Variants in BICD2 observed in about 807,000 individuals in gnomAD.
BICD2 encodes the protein BICD cargo adaptor 2, also known as protein bicaudal D homolog 2.
BICD2 carries 25 observed loss-of-function variants against 72.9 expected under a neutral mutation model. That is an observed-to-expected ratio of 0.34 (90% CI 0.25 to 0.48). The LOEUF (loss-of-function observed/expected upper bound fraction) is 0.48, where lower values mean the gene tolerates loss of function less well. BICD2 is among the 20% of genes least tolerant of loss of function. The probability of loss-of-function intolerance (pLI) is 0.99; values close to 1 mark genes in which losing one functional copy is unlikely to be tolerated. For synonymous variants in BICD2, 501 were observed against 516.1 expected (o/e 0.97, Z 0.40); for missense variants, 894 against 1,175.2 (o/e 0.76, Z 3.50).
chr9:92,729,057 C>G lies in BICD2; in HGVS notation c.420G>C (p.Glu140Asp). 1 of 1,614,222 alleles carries G rather than the reference C, an allele frequency of 6.2e-7. No homozygotes were observed. Among genetic ancestry groups the G allele is most frequent in the South Asian group, 1.1e-5 (1 of 91,082 alleles). ...GCTCCTGGGCCACAGAGGCCAGGCGCTCATTCTCCGACTGCGTGTTGGTGA... is the reference window on the plus strand; with the variant it reads ...GCTCCTGGGCCACAGAGGCCAGGCGGTCATTCTCCGACTGCGTGTTGGTGA... ...NVLTNTQSEN[E>D]RLASVAQELK... is the part of the protein sequence containing the mutation. Residue 140 changes from glutamate to aspartate, a missense_variant, in exon 2 of 7, where the codon GAG (glutamate) becomes GAC (aspartate). Glu to Asp is a conservative substitution (Grantham distance 45). Transcript: ENST00000356884.
At position 92,727,031 on chromosome 9, in the gene BICD2, C is replaced by T. The variant is rs981763378; in HGVS notation, c.453+1993G>A. Among the ~76,000 whole-genome samples the T allele has an allele frequency of 2.0e-5, 3 of 152,144 alleles. No homozygotes were observed. In the South Asian group the frequency reaches 6.2e-4, roughly 32 times the overall value. Reference sequence around the variant, plus strand: ...ATGGCAGCTGGGGCAGCCAAGGATACATCTCTCCATACACACAGCCCCTCC... The same window carrying T: ...ATGGCAGCTGGGGCAGCCAAGGATATATCTCTCCATACACACAGCCCCTCC... On this transcript the variant is annotated intron_variant, in intron 2 of 6. Transcript: ENST00000356884.
In BICD2 at chr9:92,720,651, C is replaced by T; in HGVS notation, c.711G>A (p.Glu237=). 2 of 1,614,172 alleles carry T rather than the reference C, an allele frequency of 1.2e-6. No homozygotes were observed. Among genetic ancestry groups the T allele is most frequent in the Non-Finnish European group, 1.7e-6 (2 of 1,180,034 alleles). Residue 237 remains glutamate, a synonymous_variant, in exon 4 of 7, where the codon GAG becomes GAA. Coordinates refer to ENST00000356884, the MANE Select transcript of BICD2 (RefSeq NM_001003800.2). This position sits in a 1 kb window ranked among gnomAD's most constrained non-coding sequence, Gnocchi z 5.4. ...EDAIRLKEIS[E]RQLEEALETL... is the part of the protein sequence containing the mutation. ...TCTCCAGCGCCTCCTCCAGCTGCCG[C>T]TCTGAGATCTCCTTGAGGCGGATGG...
At chr9:92,732,324 G>A (rs952472525) in intron 1 of BICD2, among the ~76,000 whole-genome samples, 1 of 152,168 alleles carries the variant, frequency 6.6e-6, no homozygotes, top group Non-Finnish European at 1.5e-5. Flanking sequence ...GAAGTATGAA[G>A]TATGACACAA....
chr9:92,742,593 C>A (rs939161378), intron 1 of BICD2, among the ~76,000 whole-genome samples: 6 of 152,050 alleles, frequency 3.9e-5, no homozygotes, highest in African/African-American at 1.4e-4. Flanking sequence ...ACCATGTTGG[C>A]CAGGATGGTC....
rs1380524145 is a variant in BICD2 at position 92,720,285 on chromosome 9, C to T, written c.1062+15G>A. 1 of 1,597,704 alleles carries T rather than the reference C, an allele frequency of 6.3e-7. No homozygotes were observed. Among genetic ancestry groups the T allele is most frequent in the South Asian group, 1.1e-5 (1 of 88,460 alleles). The stretch of plus-strand genomic sequence containing the variant: ...GAGTGGGGACAGCGTGCCGAAGGCC[C>T]CACTGCCTGCTCACCTGCATCAGCT... On this transcript the variant is annotated intron_variant, in intron 4 of 6. Transcript: ENST00000356884. The surrounding 1 kb of genome is among the most constrained non-coding windows in gnomAD (Gnocchi z 5.4).
chr9:92,735,018 G>C (rs1483126125), intron 1 of BICD2, among the ~76,000 whole-genome samples: 1 of 152,230 alleles, frequency 6.6e-6, no homozygotes, highest in South Asian at 2.1e-4. Context: ...TAACCCCCAA[G>C]GGGCTGCCCT....
chr9:92,716,614 T>C (rs1237713979), intron 6 of BICD2, among the ~76,000 whole-genome samples: 1 of 152,220 alleles, frequency 6.6e-6, no homozygotes, highest in Non-Finnish European at 1.5e-5. Context: ...GCTGGGCCCA[T>C]GGTGGGCCTG....
intron 1 of BICD2, among the ~76,000 whole-genome samples, chr9:92,754,852 G>C (rs969557974): frequency 4.6e-5 from 7 of 152,046 alleles, no homozygotes; most frequent in Non-Finnish European, 8.8e-5. Flanking sequence ...GTCACCTCAG[G>C]ACCCTGTAAT....
In BICD2 at chr9:92,764,755, G is replaced by A. The variant is rs112429258; in HGVS notation, c.-11C>T. On this transcript the variant is annotated 5_prime_UTR_variant, in exon 1 of 7. Transcript: ENST00000356884. The surrounding 1 kb of genome is among the most constrained non-coding windows in gnomAD (Gnocchi z 5.5). The stretch of plus-strand genomic sequence containing the variant: ...CGACGGCGCCGACATGGTGGCCGAG[G>A]GCTGAGCCGGCTCCCACTGAGGCTC... 6.5e-7 allele frequency: 1 copy of A among 1,540,670 alleles called. No individual in the cohort carries two copies. The highest frequency in any genetic ancestry group is 8.7e-7 in the Non-Finnish European group (1 of 1,152,886).
intron 1 of BICD2, among the ~76,000 whole-genome samples, chr9:92,761,697 G>A (rs1023796939): frequency 1.1e-4 from 16 of 152,190 alleles, no homozygotes; most frequent in Admixed American, 1.3e-4. Flanking sequence ...AGTGTCTCAC[G>A]GCCACGCAGG....
intron 1 of BICD2, among the ~76,000 whole-genome samples, chr9:92,755,113 T>C: frequency 6.6e-6 from 1 of 152,166 alleles, no homozygotes. Context: ...CACCTAGGGG[T>C]AGGTCTCTGA....
At position 92,749,794 on chromosome 9, in the gene BICD2, C is replaced by T. The variant is rs1351872796; in HGVS notation, c.240+14711G>A. ...GCCAGTCCTGGGGCCTGGGGACCAG[C>T]CCTCATCTTCCATGGCAGCTGGCTG... On this transcript the variant is annotated intron_variant, in intron 1 of 6. Transcript: ENST00000356884. 2.0e-5 allele frequency among the ~76,000 whole-genome samples: 3 copies of T among 152,238 alleles called. No individual in the cohort carries two copies. In the South Asian group the frequency reaches 6.2e-4, roughly 31 times the overall value.
In BICD2 at chr9:92,713,518, T is replaced by C. The variant is rs369804595; in HGVS notation, c.*1636A>G. 94 of 1,565,932 alleles carry C rather than the reference T, an allele frequency of 6.0e-5. 1 individual carries two copies. The Admixed American group carries it at 1.2e-3, about 20-fold the overall frequency. Reference sequence around the variant, plus strand: ...GCGGTCATCTGTCGCTTCCTGTTTATCTGACAATTGAAGCTCTCCACGTGC... The same window carrying C: ...GCGGTCATCTGTCGCTTCCTGTTTACCTGACAATTGAAGCTCTCCACGTGC... On this transcript the variant is annotated 3_prime_UTR_variant, in exon 7 of 7. Transcript: ENST00000356884.
At chr9:92,715,604 G>A in intron 6 of BICD2, 141 bp from the exon 7 acceptor site, 1 of 822,034 alleles carries the variant, frequency 1.2e-6, no homozygotes, top group Non-Finnish European at 1.9e-6. Context: ...TGGAGGGTGT[G>A]GCTGGGGAAG....
At chr9:92,749,565 C>A (rs552444539) in intron 1 of BICD2, among the ~76,000 whole-genome samples, 156 of 152,352 alleles carry the variant, frequency 1.0e-3, no homozygotes, top group African/African-American at 3.7e-3. Context: ...ACCCCAGCTG[C>A]CCTGGGCAAC....
chr9:92,746,305 G>T (rs1306392711), intron 1 of BICD2, among the ~76,000 whole-genome samples: 1 of 152,214 alleles, frequency 6.6e-6, no homozygotes, highest in Admixed American at 6.5e-5. Flanking sequence ...GCTGAGGCAG[G>T]CAGATCACCT....
intron 2 of BICD2, among the ~76,000 whole-genome samples, chr9:92,726,065 G>T (rs904418386): frequency 1.3e-5 from 2 of 152,188 alleles, no homozygotes; most frequent in Admixed American, 6.5e-5. Context: ...AAGCTGGAGG[G>T]GCTGCCCACA....
At chr9:92,716,240 A>G (rs537959811) in intron 6 of BICD2, among the ~76,000 whole-genome samples, 34 of 152,298 alleles carry the variant, frequency 2.2e-4, no homozygotes, top group African/African-American at 8.2e-4. Flanking sequence ...ACCCTCTCCA[A>G]GGACTCTGCT....
rs1344133074 is a variant in BICD2 at position 92,714,092 on chromosome 9, C to G, written c.*1062G>C. The stretch of plus-strand genomic sequence containing the variant: ...TTTCCTCTTTCTCTGTTGCCATCCC[C>G]CAGATTGCACTAAATAAAGAGACCT... On this transcript the variant is annotated 3_prime_UTR_variant, in exon 7 of 7. Transcript: ENST00000356884. 1.0e-6 allele frequency: 1 copy of G among 985,882 alleles called. No individual in the cohort carries two copies. The highest frequency in any genetic ancestry group is 1.7e-5 in the African/African-American group (1 of 57,264). The allele number at this position is 985,882 out of a possible 1,614,324, so 61.1% of individuals were successfully genotyped here.
Sources: gnomAD v4.1 joint callset for allele counts (sites outside exome capture counted in the v4.1 genomes callset) on GRCh38, gnomAD v4.1.1 for gene constraint, Gnocchi (gnomAD v3.1) non-coding constraint, MANE v1.5 for transcripts, NCBI Gene and HGNC (gene_info 2026-07-23, HGNC 2026-07-21) for gene names.